Variants in ZRANB3 observed in about 807,000 individuals in gnomAD.
The protein encoded by ZRANB3 is DNA annealing helicase and endonuclease ZRANB3.
A neutral mutation model predicts 133.8 loss-of-function variants in ZRANB3; 125 were observed. The ratio of observed to expected loss-of-function variants is 0.93; its 90% confidence interval spans 0.81 to 1.08. The LOEUF is 1.08. Ranked by LOEUF, ZRANB3 falls within the 50% of genes least tolerant of loss-of-function variation. ZRANB3 has a pLI of 0.00. For missense variants in ZRANB3, 1,229 were observed against 1,275.5 expected, an observed-to-expected ratio of 0.96 and a Z score of 0.56; for synonymous variants, 387 against 432.7, an observed-to-expected ratio of 0.89 and a Z score of 1.31.
At chr2:135,417,389 T>C (rs1182739271) in intron 2 of ZRANB3, among the ~76,000 whole-genome samples, 1 of 151,580 alleles carries the variant, frequency 6.6e-6, no homozygotes, top group Non-Finnish European at 1.5e-5. Context: ...ATCAGAGAAA[T>C]GCAAATCAAA....
chr2:135,415,907 A>G (rs1342702130), intron 2 of ZRANB3, among the ~76,000 whole-genome samples: 4 of 151,848 alleles, frequency 2.6e-5, no homozygotes, highest in African/African-American at 9.7e-5. Flanking sequence ...AAATTCAACA[A>G]CCCTTCATGC....
At position 135,230,925 on chromosome 2, in the gene ZRANB3, G is replaced by A. The variant is rs752447011; in HGVS notation, c.1542C>T (p.Phe514=). 54 of 1,539,618 alleles carry A rather than the reference G, an allele frequency of 3.5e-5. No individual in the cohort carries two copies. In the Admixed American group the frequency reaches 4.3e-4, roughly 12 times the overall value. Residue 514 remains phenylalanine (F), a splice_region_variant and synonymous_variant, in exon 13 of 21, where the codon TTC becomes TTT. Transcript: ENST00000264159. ...GAATATCATGCTGTTTTTCTTTTTCGAACTAGGAAAAGCAAACAGTAGTTA... is the reference window on the plus strand; with the variant it reads ...GAATATCATGCTGTTTTTCTTTTTCAAACTAGGAAAAGCAAACAGTAGTTA... ...ELRKEALFTH[F]EKEKQHDIRS...
chr2:135,271,361 G>A (rs975495051), intron 10 of ZRANB3: 1 of 472,064 alleles, frequency 2.1e-6, no homozygotes, highest in African/African-American at 2.0e-5. Context: ...TGAGACAAGA[G>A]TTCTTTTCCC....
intron 2 of ZRANB3, among the ~76,000 whole-genome samples, chr2:135,488,915 AAAAC>A (rs974229905): frequency 2.6e-5 from 4 of 152,138 alleles, no homozygotes; most frequent in African/African-American, 9.6e-5. Context: ...ATAGCATAAT[AAAAC>A]AAAGTATGCT....
chr2:135,410,662 C>G (rs1688262190), intron 2 of ZRANB3, among the ~76,000 whole-genome samples: 1 of 151,994 alleles, frequency 6.6e-6, no homozygotes, highest in South Asian at 2.1e-4. Flanking sequence ...AAGAAACAAT[C>G]AACAGAGTAA....
chr2:135,280,579 A>G (rs1681056700), intron 8 of ZRANB3, among the ~76,000 whole-genome samples: 1 of 152,162 alleles, frequency 6.6e-6, no homozygotes, highest in African/African-American at 2.4e-5. Context: ...AAATAAATAA[A>G]TAAATTAAAT....
chr2:135,408,671 T>G (rs894791030), intron 2 of ZRANB3, among the ~76,000 whole-genome samples: 1 of 152,150 alleles, frequency 6.6e-6, no homozygotes, highest in African/African-American at 2.4e-5. Flanking sequence ...TCATGTCCTT[T>G]GTAGGGACAT....
intron 6 of ZRANB3, among the ~76,000 whole-genome samples, chr2:135,342,830 C>A (rs1281539899): frequency 2.7e-5 from 4 of 148,180 alleles, no homozygotes; most frequent in African/African-American, 1.1e-4. Context: ...TAAAGACACA[C>A]ATATACATAT....
At chr2:135,427,213 G>C (rs555752159) in intron 2 of ZRANB3, among the ~76,000 whole-genome samples, 2 of 151,940 alleles carry the variant, frequency 1.3e-5, no homozygotes, top group African/African-American at 4.8e-5. Context: ...GTCCTCGCCA[G>C]AGAAATCAAG....
intron 17 of ZRANB3, among the ~76,000 whole-genome samples, chr2:135,212,546 C>A (rs913592974): frequency 6.6e-6 from 1 of 152,090 alleles, no homozygotes; most frequent in Non-Finnish European, 1.5e-5. Flanking sequence ...TTTTTGGAAA[C>A]CACAAGAAAC....
intron 3 of ZRANB3, among the ~76,000 whole-genome samples, chr2:135,373,911 T>A (rs1246113825): frequency 6.7e-6 from 1 of 150,118 alleles, no homozygotes; most frequent in East Asian, 2.0e-4. Context: ...ATGAGACATA[T>A]TCTTCCTATG....
chr2:135,411,106 G>A (rs1688281370), intron 2 of ZRANB3, among the ~76,000 whole-genome samples: 2 of 152,066 alleles, frequency 1.3e-5, no homozygotes, highest in South Asian at 2.1e-4. Flanking sequence ...TGGGCGTGAT[G>A]GTGCACACCT....
chr2:135,356,712 G>GT (rs1156501431), intron 3 of ZRANB3, among the ~76,000 whole-genome samples: 2 of 152,018 alleles, frequency 1.3e-5, no homozygotes, highest in Non-Finnish European at 2.9e-5. Context: ...AATTCTTGGG[G>GT]TTTTTTTGTG....
At chr2:135,237,708 A>G (rs1484960202) in intron 12 of ZRANB3, among the ~76,000 whole-genome samples, 2 of 151,378 alleles carry the variant, frequency 1.3e-5, no homozygotes, top group South Asian at 2.1e-4. Flanking sequence ...ACTAAACACC[A>G]CATGTCCTCA....
intron 2 of ZRANB3, among the ~76,000 whole-genome samples, chr2:135,406,815 T>C (rs1273568758): frequency 5.9e-5 from 9 of 152,056 alleles, no homozygotes; most frequent in East Asian, 1.9e-4. Flanking sequence ...ATTGATGGGA[T>C]GTATCTCAAA....
chr2:135,434,569 C>T (rs1170810842), intron 2 of ZRANB3, among the ~76,000 whole-genome samples: 1 of 152,188 alleles, frequency 6.6e-6, no homozygotes, highest in Non-Finnish European at 1.5e-5. Flanking sequence ...TCTCTTATAG[C>T]CCAGTTATCA....
rs766404519 is a variant in ZRANB3 at position 135,345,558 on chromosome 2, T to G, written c.669A>C (p.Ala223=). 2.5e-6 allele frequency: 4 copies of G among 1,610,864 alleles called. No homozygotes were observed. The highest frequency in any genetic ancestry group is 3.4e-6 in the Non-Finnish European group (4 of 1,178,208). ...WTDYAKRYCN[A]HIRYFGKRPQ... ...AAAATAGTTTAACTTACCTGATGTG[T>G]GCATTACAGTATCTTTTTGCATAGT... The change falls in exon 6 of 21, where the codon GCA becomes GCC. Residue 223 remains alanine (A), a synonymous_variant. Coordinates refer to ENST00000264159, the MANE Select transcript of ZRANB3 (RefSeq NM_032143.4).
intron 19 of ZRANB3, 61 bp downstream of exon 19, chr2:135,207,369 TAGAG>T: frequency 6.7e-7 from 1 of 1,493,174 alleles, no homozygotes; most frequent in South Asian, 1.4e-5. Context: ...ATGTACAAAA[TAGAG>T]AGTCAATATT....
intron 12 of ZRANB3, among the ~76,000 whole-genome samples, chr2:135,257,407 T>C (rs1006523457): frequency 6.6e-6 from 1 of 152,222 alleles, no homozygotes; most frequent in East Asian, 1.9e-4. Flanking sequence ...ATAATGTCCA[T>C]GTCCAAGTTT....
Sources: allele counts gnomAD v4.1 joint callset (sites outside exome capture counted in the v4.1 genomes callset), GRCh38; gene constraint gnomAD v4.1.1; transcripts MANE v1.5; gene names NCBI Gene and HGNC (gene_info 2026-07-23, HGNC 2026-07-21).